Variants in PHLPP2 observed in about 807,000 individuals in gnomAD.
PHLPP2 encodes PH domain leucine-rich repeat-containing protein phosphatase 2.
PHLPP2 carries 66 observed loss-of-function variants against 124.9 expected under a neutral mutation model. The observed-to-expected ratio is 0.53, with a 90% CI of 0.43 to 0.65. The LOEUF (loss-of-function observed/expected upper bound fraction) is 0.65, where lower values mean the gene tolerates loss of function less well. Among genes scored for constraint, PHLPP2 ranks in the 30% least tolerant of loss-of-function variants. The pLI is 0.00. For synonymous variants in PHLPP2, 681 were observed against 624.7 expected (o/e 1.09, Z -1.34); for missense variants, 1,685 against 1,600.4 (o/e 1.05, Z -0.90).
chr16:71,669,282 G>T lies in PHLPP2; in HGVS notation c.1621C>A (p.Pro541Thr). Residue 541 changes from proline to threonine, a missense_variant, in exon 11 of 19, where the codon CCC becomes ACC. Transcript: ENST00000568954. Reference sequence around the variant, plus strand: ...GCATCCAGGCACACATACCTCACGGGAACCTCTGTGAGAAGATTATAGCTC... The same window carrying T: ...GCATCCAGGCACACATACCTCACGGTAACCTCTGTGAGAAGATTATAGCTC... ...DVSYNLLTEV[P>T]VRILSSLSLR... The T allele has an allele frequency of 6.2e-7, 1 of 1,604,050 alleles. No individual in the cohort carries two copies. The highest frequency in any genetic ancestry group is 1.1e-5 in the South Asian group (1 of 90,872).
At chr16:71,694,779 T>C (rs1463440163) in intron 3 of PHLPP2, among the ~76,000 whole-genome samples, 2 of 151,914 alleles carry the variant, frequency 1.3e-5, no homozygotes, top group East Asian at 3.9e-4. Context: ...GACCATCATT[T>C]TTTAAATTTT....
chr16:71,708,786 A>G (rs1230986880), intron 2 of PHLPP2, among the ~76,000 whole-genome samples: 3 of 152,054 alleles, frequency 2.0e-5, no homozygotes, highest in Non-Finnish European at 4.4e-5. Flanking sequence ...ACTCCATCTC[A>G]GAAACCAAAA....
intron 13 of PHLPP2, among the ~76,000 whole-genome samples, chr16:71,661,260 A>G (rs1358841694): frequency 6.6e-6 from 1 of 151,842 alleles, no homozygotes; most frequent in Non-Finnish European, 1.5e-5. Context: ...TAGTAGAGAC[A>G]GGGTTTCACC....
At position 71,647,416 on chromosome 16, in the gene PHLPP2, C is replaced by A. The variant is rs1213545335; in HGVS notation, c.*1474G>T. On this transcript the variant is annotated 3_prime_UTR_variant, in exon 19 of 19. Transcript: ENST00000568954. ...CCACATAAAGTGAATATGCAGTTTT[C>A]AGAAGAGTACACTGTTCAACATTCA... is the stretch of plus-strand genomic sequence containing the variant. The A allele has an allele frequency of 6.6e-6, 1 of 152,586 alleles. No homozygotes were observed. Among genetic ancestry groups the A allele is most frequent in the Non-Finnish European group, 1.5e-5 (1 of 68,020 alleles). 9.5% of individuals were successfully genotyped at this position (152,586 alleles called of 1,614,324 possible). A position where few individuals can be genotyped will look rare whatever the true frequency, so the allele number is the denominator to read the frequency against.
rs1246704036 is a variant in PHLPP2, at chr16:71,658,741, A to G, written c.2060T>C (p.Ile687Thr). Residue 687 changes from isoleucine (I) to threonine (T), a missense_variant, in exon 14 of 19, where the codon ATA (isoleucine) becomes ACA (threonine). Transcript: ENST00000568954. ...GNKLKTIPTT[I>T]ANCKRLHTLV... ...GGTGTGCAGCCTTTTACAGTTTGCT[A>G]TGGTTGTGGGAATGGTTTTAAGCTT... 3 of 1,613,970 alleles carry G rather than the reference A, an allele frequency of 1.9e-6. No individual in the cohort carries two copies. Among genetic ancestry groups the G allele is most frequent in the South Asian group, 1.1e-5 (1 of 91,080 alleles).
chr16:71,664,194 A>G, intron 12 of PHLPP2, 95 bp from the exon 13 acceptor site: 2 of 839,364 alleles, frequency 2.4e-6, no homozygotes, highest in Middle Eastern at 3.0e-4. Flanking sequence ...GAATGCTGCC[A>G]TTCTAAGCTT....
chr16:71,652,857 A>G lies in PHLPP2; in HGVS notation c.2750T>C (p.Val917Ala). 1 of 1,614,060 alleles carries G rather than the reference A, an allele frequency of 6.2e-7. No individual in the cohort carries two copies. Among genetic ancestry groups the G allele is most frequent in the Non-Finnish European group, 8.5e-7 (1 of 1,180,012 alleles). The change falls in exon 18 of 19, where the codon GTC becomes GCC. Residue 917 changes from valine to alanine, a missense_variant. By Grantham distance (64) the Val-to-Ala change is moderately conservative. Coordinates refer to ENST00000568954, the MANE Select transcript of PHLPP2 (RefSeq NM_015020.3). ...CTCTGGGTCCTGCTCCAGGCTGAAG[A>G]CTTTAGAGAGGGGCACTGGCTTCCC... is the stretch of plus-strand genomic sequence containing the variant. Reference protein sequence around the residue: ...RGGKPVPLSKVFSLEQDPEEA... With the variant: ...RGGKPVPLSKAFSLEQDPEEA...
At chr16:71,697,172 C>CAATAAATACATA (rs2045180056) in intron 3 of PHLPP2, among the ~76,000 whole-genome samples, 2 of 124,044 alleles carry the variant, frequency 1.6e-5, no homozygotes, top group African/African-American at 6.0e-5. Flanking sequence ...GACTCTGTCT[C>CAATAAATACATA]AATAAATAAA....
intron 1 of PHLPP2, 151 bp downstream of exon 1, chr16:71,724,178 T>C (rs1331086662): frequency 2.0e-5 from 3 of 152,354 alleles, no homozygotes; most frequent in Non-Finnish European, 4.4e-5. Flanking sequence ...GGGTATTTGC[T>C]GCTTTCCCCG....
intron 2 of PHLPP2, among the ~76,000 whole-genome samples, chr16:71,703,098 C>T (rs958406576): frequency 1.3e-5 from 2 of 152,190 alleles, no homozygotes; most frequent in Non-Finnish European, 2.9e-5. Flanking sequence ...ATCCATGTTG[C>T]TACATTAAGA....
intron 18 of PHLPP2, among the ~76,000 whole-genome samples, chr16:71,651,150 C>T (rs1249631718): frequency 6.6e-6 from 1 of 152,006 alleles, no homozygotes; most frequent in Non-Finnish European, 1.5e-5. Flanking sequence ...ACCAGCCTGA[C>T]CAACATGGAA....
rs559946776 is a variant in PHLPP2 at position 71,668,245 on chromosome 16, T to C, written c.1629-912A>G. ...GCTAACACGGTGAAACCCCGTTCTC[T>C]ACTAAAAATACAAAAAAAAATTTAG... On this transcript the variant is annotated intron_variant, in intron 11 of 18. Coordinates refer to ENST00000568954, the MANE Select transcript of PHLPP2 (RefSeq NM_015020.3). Among the ~76,000 whole-genome samples, 3 of 151,368 alleles carry C rather than the reference T, an allele frequency of 2.0e-5. No individual in the cohort carries two copies. In the South Asian group the frequency reaches 6.3e-4, roughly 32 times the overall value.
intron 5 of PHLPP2, among the ~76,000 whole-genome samples, chr16:71,682,997 C>G (rs1224793061): frequency 6.6e-6 from 1 of 152,040 alleles, no homozygotes; most frequent in African/African-American, 2.4e-5. Context: ...ATGGTGAAAC[C>G]CTGTCTCTAC....
At chr16:71,651,610 C>T (rs2044697034) in intron 18 of PHLPP2, among the ~76,000 whole-genome samples, 1 of 152,158 alleles carries the variant, frequency 6.6e-6, no homozygotes, top group South Asian at 2.1e-4. Flanking sequence ...GAAAGAGCTT[C>T]CCAAAACTAA....
intron 1 of PHLPP2, among the ~76,000 whole-genome samples, chr16:71,718,626 G>A (rs940103057): frequency 6.6e-6 from 1 of 150,980 alleles, no homozygotes; most frequent in Non-Finnish European, 1.5e-5. Context: ...AGCACTTCAG[G>A]AGGCCAAGGA....
chr16:71,722,335 G>A (rs900662684), intron 1 of PHLPP2, among the ~76,000 whole-genome samples: 8 of 152,196 alleles, frequency 5.3e-5, no homozygotes, highest in African/African-American at 1.9e-4. Context: ...TCAAGAGGCT[G>A]AGGCAGGAGA....
chr16:71,682,437 C>T (rs2045010359), intron 5 of PHLPP2, among the ~76,000 whole-genome samples: 1 of 152,048 alleles, frequency 6.6e-6, no homozygotes, highest in South Asian at 2.1e-4. Flanking sequence ...CCCACCTCAA[C>T]CTCCCAAAGT....
At chr16:71,676,214 G>T (rs553488643) in intron 9 of PHLPP2, among the ~76,000 whole-genome samples, 134 of 152,192 alleles carry the variant, frequency 8.8e-4, no homozygotes, top group African/African-American at 2.9e-3. Context: ...CTATTCTGTG[G>T]AATGCCTCTT....
At chr16:71,702,567 T>C (rs1163794561) in intron 3 of PHLPP2, 31 bp downstream of exon 3, 1 of 1,584,110 alleles carries the variant, frequency 6.3e-7, no homozygotes, top group Non-Finnish European at 8.6e-7. Flanking sequence ...CTAAAAGTAG[T>C]TAACATACAA....
Sources: gnomAD v4.1 joint callset for allele counts (sites outside exome capture counted in the v4.1 genomes callset) on GRCh38, gnomAD v4.1.1 for gene constraint, MANE v1.5 for transcripts, NCBI Gene and HGNC (gene_info 2026-07-23, HGNC 2026-07-21) for gene names.